Variants in ROS1 observed in about 807,000 individuals in gnomAD.
The protein encoded by ROS1 is proto-oncogene tyrosine-protein kinase ROS.
ROS1 carries 263 observed loss-of-function variants against 273.5 expected under a neutral mutation model. That is an observed-to-expected ratio of 0.96 (90% CI 0.87 to 1.06). The LOEUF is 1.06. ROS1 is among the 50% of genes least tolerant of loss of function. ROS1 has a pLI of 0.00. For missense variants in ROS1, 2,833 were observed against 2,751.1 expected (o/e 1.03, Z -0.67); for synonymous variants, 1,008 against 954.1 (o/e 1.06, Z -1.04).
chr6:117,293,352 CAGCCCATGA>C (rs1773977129), intron 43 of ROS1, among the ~76,000 whole-genome samples: 3 of 152,182 alleles, frequency 2.0e-5, no homozygotes, highest in Admixed American at 2.0e-4. Context: ...ACAGAATCTA[CAGCCCATGA>C]ATTCCTTTAG....
chr6:117,333,613 A>G (rs1320264325), intron 32 of ROS1, among the ~76,000 whole-genome samples: 2 of 152,224 alleles, frequency 1.3e-5, no homozygotes, highest in African/African-American at 2.4e-5. Context: ...AACTGAATCC[A>G]GCAGCACATC....
chr6:117,423,469 C>A lies in ROS1; in HGVS notation c.123+2065G>T, dbSNP rs143018478. On this transcript the variant is annotated intron_variant, in intron 1 of 43. Transcript: ENST00000368507. Reference sequence around the variant, plus strand: ...TTCTTTTTTCTTTATCATAAAGGATCTCACAATACTAGAGTTCTGAAGAGC... The same window carrying A: ...TTCTTTTTTCTTTATCATAAAGGATATCACAATACTAGAGTTCTGAAGAGC... Among the ~76,000 whole-genome samples, 127 of 152,264 alleles carry A rather than the reference C, an allele frequency of 8.3e-4. 1 individual carries two copies. Among genetic ancestry groups the A allele is most frequent in the African/African-American group, 2.9e-3 (122 of 41,552 alleles).
At chr6:117,386,741 ATC>A (rs1299407528) in intron 15 of ROS1, 146 bp downstream of exon 15, 1 of 475,070 alleles carries the variant, frequency 2.1e-6, no homozygotes, top group East Asian at 3.0e-5. Flanking sequence ...TCTTAACAGA[ATC>A]ACTGGCAGTA....
Position 117,378,004 on chromosome 6 carries a change from G to A in ROS1, c.2582+1055C>T, listed in dbSNP as rs1582789599. 3.9e-5 allele frequency among the ~76,000 whole-genome samples: 6 copies of A among 152,280 alleles called. No individual in the cohort carries two copies. In the East Asian group the frequency reaches 1.2e-3, roughly 29 times the overall value. On this transcript the variant is annotated intron_variant, in intron 18 of 43. Coordinates refer to ENST00000368507, the MANE Select transcript of ROS1 (RefSeq NM_001378902.1). ...ACTGCTTCCCACACCAAAGAATGGT[G>A]AATATAATAAAGATTGTCAAAGCCA...
chr6:117,365,952 T>C (rs765792231), intron 19 of ROS1, 124 bp downstream of exon 19: 108 of 910,014 alleles, frequency 1.2e-4, no homozygotes, highest in Middle Eastern at 6.2e-4. Flanking sequence ...AGCAAACCAA[T>C]TGAAATTACT....
In ROS1 at chr6:117,341,591, C is replaced by G; in HGVS notation, c.4693G>C (p.Asp1565His). 6.2e-7 allele frequency: 1 copy of G among 1,613,672 alleles called. No homozygotes were observed. The highest frequency in any genetic ancestry group is 8.5e-7 in the Non-Finnish European group (1 of 1,179,694). Residue 1565 changes from aspartate to histidine, a missense_variant, in exon 30 of 44, where the codon GAC becomes CAC. Transcript: ENST00000368507. ...CTCCAAGATATAATGAGGCTGGTGT[C>G]TGACCGCACAGTTGTATTAATGAGC... ...VQLINTTVRS[D>H]TSLIISWRES...
intron 19 of ROS1, 119 bp downstream of exon 19, chr6:117,365,957 A>G: frequency 1.1e-6 from 1 of 935,002 alleles, no homozygotes; most frequent in Non-Finnish European, 1.6e-6. Flanking sequence ...ACCAATTGAA[A>G]TTACTGAAAC....
chr6:117,399,763 G>A (rs1178670695), intron 7 of ROS1, among the ~76,000 whole-genome samples: 5 of 152,112 alleles, frequency 3.3e-5, no homozygotes, highest in Admixed American at 1.3e-4. Flanking sequence ...ATAAGTCAGA[G>A]AATACCCCAA....
In ROS1 at chr6:117,357,935, T is replaced by G. The variant is rs1412190842; in HGVS notation, c.3708A>C (p.Ala1236=). Residue 1236 remains alanine (A), a synonymous_variant, in exon 25 of 44, where the codon GCA becomes GCC. Coordinates refer to ENST00000368507, the MANE Select transcript of ROS1 (RefSeq NM_001378902.1). ...IDWISRHLYF[A]LKESQNGMQV... ...GCATTCCATTTTGTGATTCTTTCAG[T>G]GCAAAGTAGAGGTGCCTTGAAATCC... 2 of 1,613,692 alleles carry G rather than the reference T, an allele frequency of 1.2e-6. No homozygotes were observed. The highest frequency in any genetic ancestry group is 1.7e-6 in the Non-Finnish European group (2 of 1,179,720).
At chr6:117,405,448 T>C (rs1774319827) in intron 5 of ROS1, among the ~76,000 whole-genome samples, 1 of 152,194 alleles carries the variant, frequency 6.6e-6, no homozygotes, top group South Asian at 2.1e-4. Context: ...CTTCCCTTTC[T>C]TGTTGTGAGA....
chr6:117,343,619 A>G (rs951058593), intron 28 of ROS1, among the ~76,000 whole-genome samples: 1 of 152,206 alleles, frequency 6.6e-6, no homozygotes, highest in African/African-American at 2.4e-5. Flanking sequence ...TAGGAAACAA[A>G]AGACAAAATA....
At position 117,341,480 on chromosome 6, in the gene ROS1, G is replaced by C. The variant is rs143210953; in HGVS notation, c.4804C>G (p.Leu1602Val). 3 of 1,613,872 alleles carry C rather than the reference G, an allele frequency of 1.9e-6. No individual in the cohort carries two copies. In the South Asian group the frequency reaches 3.3e-5, roughly 18 times the overall value. ...CCATTTGGAAATTCACTTTGTCTTAGAGGAGTTTCAGGAATTAGGGCCAGG... is the reference window on the plus strand; with the variant it reads ...CCATTTGGAAATTCACTTTGTCTTACAGGAGTTTCAGGAATTAGGGCCAGG... The part of the protein sequence containing the change: ...SHLALIPETP[L>V]RQSEFPNGRL... Residue 1602 changes from leucine to valine, a missense_variant, in exon 30 of 44, where the codon CTA becomes GTA. Leu to Val is a conservative substitution (Grantham distance 32, BLOSUM62 1). Transcript: ENST00000368507.
rs144006238 is a variant in ROS1 at position 117,347,369 on chromosome 6, A to G, written c.4304-3107T>C. Among the ~76,000 whole-genome samples the G allele has an allele frequency of 9.4e-4, 143 of 152,148 alleles. 2 individuals are homozygous for G. Among genetic ancestry groups the G allele is most frequent in the African/African-American group, 3.3e-3 (137 of 41,558 alleles). On this transcript the variant is annotated intron_variant, in intron 27 of 43. Coordinates refer to ENST00000368507, the MANE Select transcript of ROS1 (RefSeq NM_001378902.1). ...GTTTAATTTCTAATTCCACTTGTCCATTGCTGGTATACAGGAAAGTGATTG... is the reference window on the plus strand; with the variant it reads ...GTTTAATTTCTAATTCCACTTGTCCGTTGCTGGTATACAGGAAAGTGATTG...
intron 33 of ROS1, among the ~76,000 whole-genome samples, chr6:117,326,724 A>G (rs914544865): frequency 3.3e-5 from 5 of 152,178 alleles, no homozygotes; most frequent in Non-Finnish European, 5.9e-5. Context: ...TTCCAAACCT[A>G]TAAGACAATT....
chr6:117,303,699 T>C (rs1774906841), intron 42 of ROS1, among the ~76,000 whole-genome samples: 1 of 152,168 alleles, frequency 6.6e-6, no homozygotes, highest in Non-Finnish European at 1.5e-5. Context: ...ACATAATCTT[T>C]ACATTTTTTA....
chr6:117,373,589 C>T (rs533342113), intron 18 of ROS1, among the ~76,000 whole-genome samples: 18 of 152,364 alleles, frequency 1.2e-4, no homozygotes, highest in Middle Eastern at 3.4e-3. Flanking sequence ...GTGCGGGGCC[C>T]GCCAAGCCCG....
chr6:117,398,367 AC>A (rs992701250), intron 7 of ROS1, among the ~76,000 whole-genome samples: 8 of 152,242 alleles, frequency 5.3e-5, no homozygotes, highest in African/African-American at 1.9e-4. Context: ...TTCTGAAAAG[AC>A]CCAGTTAAAA....
intron 18 of ROS1, among the ~76,000 whole-genome samples, chr6:117,370,055 G>A (rs748717599): frequency 3.9e-5 from 6 of 152,042 alleles, no homozygotes; most frequent in Non-Finnish European, 8.8e-5. Flanking sequence ...GCATATGGAT[G>A]TATGTGTATA....
At chr6:117,384,299 T>C (rs1021159776) in intron 16 of ROS1, among the ~76,000 whole-genome samples, 3 of 152,220 alleles carry the variant, frequency 2.0e-5, no homozygotes, top group African/African-American at 7.2e-5. Flanking sequence ...TTTATATATG[T>C]ATTTTATCTC....
Sources: allele counts gnomAD v4.1 joint callset (sites outside exome capture counted in the v4.1 genomes callset), GRCh38; gene constraint gnomAD v4.1.1; transcripts MANE v1.5; gene names NCBI Gene and HGNC (gene_info 2026-07-23, HGNC 2026-07-21).